The following SCUBE2 variants were observed in gnomAD, a reference collection of about 807,000 sequenced individuals.
SCUBE2 encodes the protein signal peptide, CUB and EGF-like domain-containing protein 2.
Under a neutral mutation model 125.9 loss-of-function variants are expected in SCUBE2, and 114 were observed. The observed-to-expected ratio is 0.91, with a 90% confidence interval of 0.78 to 1.06. SCUBE2 has a LOEUF of 1.06. SCUBE2 is among the 50% of genes least tolerant of loss of function. SCUBE2 has a pLI of 0.00. For synonymous variants in SCUBE2, 459 were observed against 492.9 expected (o/e 0.93, Z 0.91); for missense variants, 1,255 against 1,301.8 (o/e 0.96, Z 0.55).
chr11:9,059,504 G>T, intron 8 of SCUBE2, 79 bp from the exon 9 acceptor site: 1 of 1,475,422 alleles, frequency 6.8e-7, no homozygotes, highest in Non-Finnish European at 9.2e-7. Flanking sequence ...GCCATTGTGT[G>T]TGTTCATTAG....
rs777859883 is a variant in SCUBE2, at chr11:9,091,495, C to G, written c.34G>C (p.Ala12Pro). ...AGCAGCAGCAGCAGCACCGCCCAGG[C>G]CGCCCCGGGACGGTTGCGGCCCGCG... Reference protein sequence around the residue: ...GVAGRNRPGAAWAVLLLLLLL... With the variant: ...GVAGRNRPGAPWAVLLLLLLL... The change falls in exon 1 of 23, where the codon GCC becomes CCC. Residue 12 changes from alanine (A) to proline (P), a missense_variant. Ala to Pro is a conservative substitution (Grantham distance 27, BLOSUM62 -1). Around this residue, in one of 3 missense-constraint regions of SCUBE2, gnomAD observed 362 missense variants for 323.0 expected, o/e 1.12. Coordinates refer to ENST00000649792, the MANE Select transcript of SCUBE2 (RefSeq NM_001367977.2). This position sits in a 1 kb window ranked among gnomAD's most constrained non-coding sequence, Gnocchi z 8.5. 1.1e-4 allele frequency: 125 copies of G among 1,128,558 alleles called. No individual in the cohort carries two copies. Among genetic ancestry groups the G allele is most frequent in the Non-Finnish European group, 1.3e-4 (114 of 878,432 alleles). The allele number at this position is 1,128,558 out of a possible 1,614,324, so 69.9% of individuals were successfully genotyped here. A position where few individuals can be genotyped will look rare whatever the true frequency, so the allele number is the denominator to read the frequency against.
Position 9,059,352 on chromosome 11 carries a change from G to T in SCUBE2, c.1041C>A (p.Cys347Ter), listed in dbSNP as rs373065281. 7.4e-6 allele frequency: 12 copies of T among 1,614,158 alleles called. No individual in the cohort carries two copies. In the South Asian group the frequency reaches 1.2e-4, roughly 16 times the overall value. ...ATAATTTAAATCCTTTCTTGCAGCCGCAGTCAAAACTGCCCACGATGTTTT... is the reference window on the plus strand; with the variant it reads ...ATAATTTAAATCCTTTCTTGCAGCCTCAGTCAAAACTGCCCACGATGTTTT... ...FCKNIVGSFD[C>*]GCKKGFKLLT... Residue 347 changes from cysteine to a stop codon, truncating the protein, a stop_gained, in exon 9 of 23, where the codon TGC becomes TGA. Coordinates refer to ENST00000649792, the MANE Select transcript of SCUBE2 (RefSeq NM_001367977.2). LOFTEE classifies it high-confidence loss of function.
chr11:9,085,634 G>A (rs1182522734), intron 2 of SCUBE2, among the ~76,000 whole-genome samples: 1 of 152,080 alleles, frequency 6.6e-6, no homozygotes, highest in Non-Finnish European at 1.5e-5. Context: ...GCTGAGGAAG[G>A]AGAATAACTT....
chr11:9,066,953 T>A, intron 5 of SCUBE2, 140 bp from the exon 6 acceptor site: 1 of 671,790 alleles, frequency 1.5e-6, no homozygotes, highest in South Asian at 1.7e-5. Context: ...ACGAAAGACA[T>A]AACTCCAAGT....
intron 8 of SCUBE2, 37 bp downstream of exon 8, chr11:9,060,371 A>G: frequency 1.3e-6 from 2 of 1,526,118 alleles, no homozygotes; most frequent in Non-Finnish European, 1.8e-6. Context: ...TCCCTCCATA[A>G]CAGGGCACCC....
intron 6 of SCUBE2, 23 bp from the exon 7 acceptor site, chr11:9,066,003 C>G: frequency 6.4e-7 from 1 of 1,553,624 alleles, no homozygotes; most frequent in Non-Finnish European, 8.9e-7. Context: ...CAAAAGAGCA[C>G]GGTTCTCAGA....
At chr11:9,064,865 T>C (rs1860052880) in intron 7 of SCUBE2, 1 of 151,840 alleles carries the variant, frequency 6.6e-6, no homozygotes, top group South Asian at 2.1e-4. Context: ...CCAGAAGGAG[T>C]AACGCACCAA....
chr11:9,031,004 C>A, intron 17 of SCUBE2, 79 bp from the exon 18 acceptor site: 1 of 1,377,202 alleles, frequency 7.3e-7, no homozygotes, highest in South Asian at 1.4e-5. Context: ...AGACCAACTT[C>A]AGTCCAACCT....
chr11:9,019,888 T>G lies in SCUBE2; in HGVS notation c.*1157A>C, dbSNP rs1855173101. 6.6e-6 allele frequency among the ~76,000 whole-genome samples: 1 copy of G among 152,186 alleles called. No homozygotes were observed. Among genetic ancestry groups the G allele is most frequent in the African/African-American group, 2.4e-5 (1 of 41,450 alleles). On this transcript the variant is annotated 3_prime_UTR_variant, in exon 23 of 23. Transcript: ENST00000649792. ...CTTGGGGATTTAAATGTTTAAAGATTCAATAACACTGAAAATTCAAGTTCA... is the reference window on the plus strand; with the variant it reads ...CTTGGGGATTTAAATGTTTAAAGATGCAATAACACTGAAAATTCAAGTTCA...
Position 9,070,527 on chromosome 11 carries a change from C to T in SCUBE2, c.518-1032G>A, listed in dbSNP as rs1020103226. ...GCTTCTTTGCATTCGTGCAATGTAACTCTAAAACATCTCTGAGAGTAGGGA... is the reference window on the plus strand; with the variant it reads ...GCTTCTTTGCATTCGTGCAATGTAATTCTAAAACATCTCTGAGAGTAGGGA... On this transcript the variant is annotated intron_variant, in intron 4 of 22. Transcript: ENST00000649792. Among the ~76,000 whole-genome samples the T allele has an allele frequency of 9.2e-5, 14 of 152,204 alleles. 1 individual carries two copies. Among genetic ancestry groups the T allele is most frequent in the African/African-American group, 3.4e-4 (14 of 41,454 alleles).
rs1266942349 is a variant in SCUBE2, at chr11:9,027,527, A to T, written c.2538T>A (p.Thr846=). The change falls in exon 20 of 23, where the codon ACT becomes ACA. Residue 846 remains threonine (T), a synonymous_variant. Transcript: ENST00000649792. ...GGTAGTTTGGGGATTCAATGTACCC[A>T]GTGAAATCTCCCAGCTCCCCTCCAC... ...RRCGGELGDF[T]GYIESPNYPG... is the part of the protein sequence containing the mutation. 3.1e-6 allele frequency: 5 copies of T among 1,613,876 alleles called. No homozygotes were observed. Among genetic ancestry groups the T allele is most frequent in the Admixed American group, 1.7e-5 (1 of 59,978 alleles).
intron 6 of SCUBE2, 39 bp from the exon 7 acceptor site, chr11:9,066,019 T>G: frequency 1.0e-5 from 14 of 1,404,292 alleles, no homozygotes; most frequent in Non-Finnish European, 1.3e-5. Flanking sequence ...TCAGACTGAA[T>G]GAGTTAGATT....
chr11:9,072,261 T>G (rs1186883546), intron 4 of SCUBE2, among the ~76,000 whole-genome samples: 1 of 152,174 alleles, frequency 6.6e-6, no homozygotes, highest in African/African-American at 2.4e-5. Context: ...CAGGCTGGAG[T>G]GCAGTGGCAC....
chr11:9,068,295 C>T (rs1860450718), intron 5 of SCUBE2, among the ~76,000 whole-genome samples: 1 of 152,178 alleles, frequency 6.6e-6, no homozygotes, highest in Non-Finnish European at 1.5e-5. Context: ...TTTAGGAACA[C>T]CATGAATTGC....
Position 9,091,464 on chromosome 11 carries a change from A to AGCAGCAGCAGTGGCG in SCUBE2, c.64_65insCGCCACTGCTGCTGC (p.Leu21_Leu22insProProLeuLeuLeu). The AGCAGCAGCAGTGGCG allele has an allele frequency of 7.7e-6, 3 of 391,878 alleles. No individual in the cohort carries two copies. Among genetic ancestry groups the AGCAGCAGCAGTGGCG allele is most frequent in the Non-Finnish European group, 9.2e-6 (3 of 324,988 alleles). The allele number at this position is 391,878 out of a possible 1,614,324, so 24.3% of individuals were successfully genotyped here. ...CCCCGCCAGCAGCAGCAGTGGCGGCAGCAGCAGCAGCAGCAGCAGCACCGC... is the reference window on the plus strand; with the variant it reads ...CCCCGCCAGCAGCAGCAGTGGCGGCAGCAGCAGCAGTGGCGGCAGCAGCAGCAGCAGCAGCACCGC... On this transcript the variant is annotated inframe_insertion, in exon 1 of 23. Coordinates refer to ENST00000649792, the MANE Select transcript of SCUBE2 (RefSeq NM_001367977.2). The surrounding 1 kb of genome is among the most constrained non-coding windows in gnomAD (Gnocchi z 8.5).
intron 4 of SCUBE2, among the ~76,000 whole-genome samples, chr11:9,070,915 T>A (rs758789110): frequency 9.2e-5 from 14 of 152,360 alleles, no homozygotes; most frequent in Non-Finnish European, 1.2e-4. Flanking sequence ...AGTCTGCTGG[T>A]TGCTGGGATT....
At chr11:9,029,860 G>A (rs1321079658) in intron 19 of SCUBE2, 24 bp downstream of exon 19, 12 of 1,613,738 alleles carry the variant, frequency 7.4e-6, no homozygotes, top group Non-Finnish European at 9.3e-6. Flanking sequence ...CCAGAACTAT[G>A]AAAAGCCTTA....
intron 9 of SCUBE2, among the ~76,000 whole-genome samples, chr11:9,058,260 C>T (rs921364903): frequency 3.3e-5 from 5 of 152,050 alleles, no homozygotes; most frequent in African/African-American, 9.7e-5. Flanking sequence ...GTTAGGAATT[C>T]GAGACCAGCC....
In SCUBE2 at chr11:9,030,621, G is replaced by T. The variant is rs1856221003; in HGVS notation, c.2341+137C>A. On this transcript the variant is annotated intron_variant, in intron 18 of 22. Transcript: ENST00000649792. ...AGTGCCCCCTGCACATCCTGCTGGG[G>T]CGAGTGGAGCTGGGACCTGAACCCC... 8.3e-6 allele frequency: 7 copies of T among 846,832 alleles called. No homozygotes were observed. The South Asian group carries it at 1.1e-4, about 14-fold the overall frequency. 52.5% of individuals were successfully genotyped at this position (846,832 alleles called of 1,614,324 possible). A position where few individuals can be genotyped will look rare whatever the true frequency, so the allele number is the denominator to read the frequency against.
Sources: gnomAD v4.1 joint callset for allele counts (sites outside exome capture counted in the v4.1 genomes callset) on GRCh38, gnomAD v4.1.1 for gene constraint, gnomAD v4.1.1 regional missense constraint, Gnocchi (gnomAD v3.1) non-coding constraint, MANE v1.5 for transcripts, NCBI Gene and HGNC (gene_info 2026-07-23, HGNC 2026-07-21) for gene names.